Variants in CSMD1 observed in about 807,000 individuals in gnomAD.
The protein encoded by CSMD1 is CUB and Sushi multiple domains 1.
Under a neutral mutation model 417.5 loss-of-function variants are expected in CSMD1, and 213 were observed. That is an observed-to-expected ratio of 0.51 (90% CI 0.46 to 0.57). The LOEUF is 0.57. Ranked by LOEUF, CSMD1 falls within the 20% of genes least tolerant of loss-of-function variation. The pLI is 0.00. For missense variants in CSMD1, 6,923 were observed against 4,529.7 expected (o/e 1.53, Z -15.17); for synonymous variants, 2,862 against 1,736.8 (o/e 1.65, Z -16.11).
intron 1 of CSMD1, among the ~76,000 whole-genome samples, chr8:4,720,449 G>C (rs1808979545): frequency 6.6e-6 from 1 of 152,058 alleles, no homozygotes; most frequent in Non-Finnish European, 1.5e-5. Context: ...ATGGAGTCTT[G>C]CTCTGTCACT....
chr8:4,657,379 C>A (rs1036473705), intron 1 of CSMD1, among the ~76,000 whole-genome samples: 4 of 152,128 alleles, frequency 2.6e-5, no homozygotes, highest in Non-Finnish European at 4.4e-5. Context: ...CTTTCTGCCT[C>A]TCTTTTCCTT....
intron 5 of CSMD1, among the ~76,000 whole-genome samples, chr8:3,815,609 T>C (rs1801325846): frequency 7.0e-6 from 1 of 143,558 alleles, no homozygotes; most frequent in Non-Finnish European, 1.5e-5. Context: ...TAAAAATGTC[T>C]ATCACTGCTA....
chr8:4,349,409 A>T (rs149050248), intron 3 of CSMD1, among the ~76,000 whole-genome samples: 1 of 152,222 alleles, frequency 6.6e-6, no homozygotes, highest in East Asian at 1.9e-4. Flanking sequence ...AAATATTATC[A>T]CCTCTACTTT....
At chr8:3,939,176 G>C (rs2627526) in intron 5 of CSMD1, among the ~76,000 whole-genome samples, 57,199 of 151,886 alleles carry the variant, frequency 0.38, 10,982 homozygotes, top group East Asian at 0.48. Flanking sequence ...GTTTCTGAGT[G>C]ACAGACTGTA....
At chr8:3,617,348 G>C (rs917026829) in intron 7 of CSMD1, among the ~76,000 whole-genome samples, 3 of 152,180 alleles carry the variant, frequency 2.0e-5, no homozygotes, top group African/African-American at 7.2e-5. Context: ...CTTTTCTCCT[G>C]TTGGGACTTG....
At chr8:3,673,329 C>T (rs1340305138) in intron 7 of CSMD1, among the ~76,000 whole-genome samples, 4 of 152,150 alleles carry the variant, frequency 2.6e-5, no homozygotes, top group Admixed American at 1.3e-4. Flanking sequence ...GAAAATTCAG[C>T]AAGTACTGAA....
chr8:3,348,699 A>C (rs1451703279), intron 21 of CSMD1, among the ~76,000 whole-genome samples: 1 of 152,254 alleles, frequency 6.6e-6, no homozygotes, highest in East Asian at 1.9e-4. Flanking sequence ...ATTATGTCTT[A>C]TAATGGAAGA....
At chr8:4,845,215 T>C (rs888157654) in intron 1 of CSMD1, among the ~76,000 whole-genome samples, 1 of 152,214 alleles carries the variant, frequency 6.6e-6, no homozygotes, top group African/African-American at 2.4e-5. Context: ...TAACTACATA[T>C]TTTGGTTATT....
At chr8:4,616,385 G>A (rs1211769067) in intron 2 of CSMD1, among the ~76,000 whole-genome samples, 1 of 152,120 alleles carries the variant, frequency 6.6e-6, no homozygotes, top group African/African-American at 2.4e-5. Context: ...GACCACAACA[G>A]GCAAATCGTG....
chr8:3,169,401 G>A (rs1038154557), intron 37 of CSMD1, among the ~76,000 whole-genome samples: 2 of 151,778 alleles, frequency 1.3e-5, no homozygotes, highest in Admixed American at 1.3e-4. Flanking sequence ...GCTGCTAAGT[G>A]AAATAAGCCA....
intron 1 of CSMD1, among the ~76,000 whole-genome samples, chr8:4,971,996 C>T (rs764448518): frequency 8.6e-5 from 13 of 151,924 alleles, no homozygotes; most frequent in Non-Finnish European, 1.2e-4. Flanking sequence ...CATTTATCTT[C>T]AAAGCAGCAG....
At chr8:4,720,142 CA>C (rs1808957188) in intron 1 of CSMD1, among the ~76,000 whole-genome samples, 1 of 148,724 alleles carries the variant, frequency 6.7e-6, no homozygotes, top group Admixed American at 6.9e-5. Flanking sequence ...TTTTGCTTCA[CA>C]AAGCTAGACG....
intron 1 of CSMD1, among the ~76,000 whole-genome samples, chr8:4,737,101 T>C (rs910611802): frequency 2.6e-5 from 4 of 152,118 alleles, no homozygotes; most frequent in Admixed American, 6.6e-5. Context: ...CCATCAATGA[T>C]AGACTGAATA....
intron 2 of CSMD1, among the ~76,000 whole-genome samples, chr8:4,483,271 G>C (rs1184666654): frequency 2.0e-5 from 3 of 152,176 alleles, no homozygotes; most frequent in African/African-American, 4.8e-5. Context: ...ATGTGGAACT[G>C]TGAGTCCAAT....
chr8:3,698,189 G>C (rs138184083), intron 7 of CSMD1, among the ~76,000 whole-genome samples: 101 of 152,186 alleles, frequency 6.6e-4, no homozygotes, highest in African/African-American at 2.4e-3. Context: ...ATTTTCCATA[G>C]CACTTGAAAA....
chr8:4,543,103 G>A (rs926403544), intron 2 of CSMD1, among the ~76,000 whole-genome samples: 42 of 152,066 alleles, frequency 2.8e-4, no homozygotes, highest in African/African-American at 1.0e-3. Context: ...TCAACATCCT[G>A]CATTAGTGTG....
At chr8:3,737,757 A>G (rs965451496) in intron 6 of CSMD1, among the ~76,000 whole-genome samples, 2 of 152,220 alleles carry the variant, frequency 1.3e-5, no homozygotes, top group Non-Finnish European at 2.9e-5. Flanking sequence ...GACCACATTC[A>G]TTTAAGCTCC....
intron 5 of CSMD1, among the ~76,000 whole-genome samples, chr8:3,892,271 C>T (rs1260394778): frequency 6.6e-6 from 1 of 152,140 alleles, no homozygotes; most frequent in Admixed American, 6.6e-5. Context: ...AATAATCCAG[C>T]ACAAAGAACA....
At chr8:3,701,996 G>C (rs2623581) in intron 7 of CSMD1, among the ~76,000 whole-genome samples, 143,602 of 151,814 alleles carry the variant, frequency 0.95, 67,968 homozygotes, top group East Asian at 0.99. Context: ...TCTTTTCAGG[G>C]TAAGAAAACA....
Sources: allele counts gnomAD v4.1 joint callset (sites outside exome capture counted in the v4.1 genomes callset), GRCh38; gene constraint gnomAD v4.1.1; transcripts MANE v1.5; gene names NCBI Gene and HGNC (gene_info 2026-07-23, HGNC 2026-07-21).